The following ARHGAP21 variants were observed in gnomAD, a reference collection of about 807,000 sequenced individuals.
ARHGAP21 encodes Rho GTPase activating protein 21, also known as rho GTPase-activating protein 21.
In ARHGAP21, 38 loss-of-function variants were observed where a neutral mutation model predicts 164.6. The observed-to-expected ratio is 0.23, with a 90% CI of 0.18 to 0.30. The LOEUF is 0.30. Among genes scored for constraint, ARHGAP21 ranks in the 10% least tolerant of loss-of-function variants. The pLI is 1.00. For missense variants in ARHGAP21, 1,822 were observed against 2,370.7 expected (o/e 0.77, Z 4.81); for synonymous variants, 766 against 857.9 (o/e 0.89, Z 1.87).
chr10:24,644,677 C>T (rs1379468474), intron 4 of ARHGAP21, among the ~76,000 whole-genome samples: 1 of 152,146 alleles, frequency 6.6e-6, no homozygotes, highest in Non-Finnish European at 1.5e-5. Flanking sequence ...ATTATCACCT[C>T]CTAATAAGCA....
At chr10:24,639,408 T>C (rs1400664979) in intron 4 of ARHGAP21, among the ~76,000 whole-genome samples, 3 of 152,178 alleles carry the variant, frequency 2.0e-5, no homozygotes, top group Admixed American at 6.6e-5. Context: ...TTAAAAAAGA[T>C]AATCCAGTAA....
In ARHGAP21 at chr10:24,721,977, G is replaced by C; in HGVS notation, c.-78C>G. 1 of 1,457,710 alleles carries C rather than the reference G, an allele frequency of 6.9e-7. No homozygotes were observed. Among genetic ancestry groups the C allele is most frequent in the Non-Finnish European group, 9.5e-7 (1 of 1,047,506 alleles). The allele number at this position is 1,457,710 out of a possible 1,614,324, so 90.3% of individuals were successfully genotyped here. On this transcript the variant is annotated 5_prime_UTR_variant, in exon 2 of 26. Transcript: ENST00000396432. ...TGGCGGGGAATGCCACCACACACCC[G>C]AAGGGGAAGAATTCCACAAGCAGGC...
intron 2 of ARHGAP21, among the ~76,000 whole-genome samples, chr10:24,701,715 C>T (rs182095807): frequency 2.6e-5 from 4 of 152,306 alleles, no homozygotes; most frequent in Admixed American, 6.5e-5. Context: ...AAAATCTCTT[C>T]AGGCCCTTGG....
rs377215858 is a variant in ARHGAP21, at chr10:24,607,506, C to T, written c.2677G>A (p.Ala893Thr). ...AATACACCCGAGACTTACAATTTTG[C>T]ATCTTCTCTGTAATCATCCAGACCC... ...DEGLDDYRED[A>T]KLSFKHVSSL... Residue 893 changes from alanine to threonine, a missense_variant, in exon 11 of 26, where the codon GCA becomes ACA. Ala to Thr is a moderately conservative substitution (Grantham distance 58). This residue lies in a region of ARHGAP21 where 1,090 missense variants were observed against 1,378.9 expected (regional missense o/e 0.79). Coordinates refer to ENST00000396432, the MANE Select transcript of ARHGAP21 (RefSeq NM_020824.4). 1.2e-6 allele frequency: 2 copies of T among 1,612,586 alleles called. No homozygotes were observed. Among genetic ancestry groups the T allele is most frequent in the East Asian group, 2.2e-5 (1 of 44,878 alleles).
chr10:24,607,006 A>G (rs1413749123), intron 11 of ARHGAP21, among the ~76,000 whole-genome samples: 2 of 152,228 alleles, frequency 1.3e-5, no homozygotes, highest in Admixed American at 1.3e-4. Context: ...CTATTAATAT[A>G]GAGTATTGGT....
chr10:24,654,839 T>C (rs975447752), intron 4 of ARHGAP21, among the ~76,000 whole-genome samples: 1 of 152,194 alleles, frequency 6.6e-6, no homozygotes, highest in African/African-American at 2.4e-5. Flanking sequence ...AGAACAAGGC[T>C]GGAGGCATCA....
intron 4 of ARHGAP21, among the ~76,000 whole-genome samples, chr10:24,637,812 C>T (rs1320047689): frequency 6.6e-6 from 1 of 151,934 alleles, no homozygotes; most frequent in Non-Finnish European, 1.5e-5. Context: ...GAGTCCAATC[C>T]TATAGCAAGC....
At chr10:24,694,648 TC>T (rs1050457342) in intron 2 of ARHGAP21, among the ~76,000 whole-genome samples, 5 of 152,196 alleles carry the variant, frequency 3.3e-5, no homozygotes, top group Admixed American at 6.5e-5. Context: ...GTAGGTGGTG[TC>T]CTCTGAACTT....
intron 2 of ARHGAP21, among the ~76,000 whole-genome samples, chr10:24,716,695 G>A (rs542161632): frequency 6.6e-6 from 1 of 152,354 alleles, no homozygotes; most frequent in East Asian, 1.9e-4. Flanking sequence ...TTTATAAATT[G>A]TCTGTCCTGA....
At chr10:24,636,960 C>A (rs1836451620) in intron 4 of ARHGAP21, among the ~76,000 whole-genome samples, 1 of 152,168 alleles carries the variant, frequency 6.6e-6, no homozygotes, top group Non-Finnish European at 1.5e-5. Flanking sequence ...TCACTAATAT[C>A]CATAGCATAG....
At chr10:24,701,500 G>A (rs1843668215) in intron 2 of ARHGAP21, among the ~76,000 whole-genome samples, 1 of 152,056 alleles carries the variant, frequency 6.6e-6, no homozygotes, top group Admixed American at 6.5e-5. Flanking sequence ...ATTTCTCTGA[G>A]AAGGGAACAT....
chr10:24,585,557 C>T lies in ARHGAP21; in HGVS notation c.4732G>A (p.Ala1578Thr). Residue 1578 changes from alanine to threonine, a missense_variant, in exon 26 of 26, where the codon GCC becomes ACC. Physicochemically the swap from Ala to Thr is moderately conservative, Grantham distance 58. Transcript: ENST00000396432. ...SPETKHSEFLANVSTITSDYS... is the reference protein window; with the variant it reads ...SPETKHSEFLTNVSTITSDYS... ...TCTGAGGTGATGGTGCTGACGTTGG[C>T]CAAAAACTCGCTATGTTTCGTTTCT... 7 of 1,614,144 alleles carry T rather than the reference C, an allele frequency of 4.3e-6. No individual in the cohort carries two copies. The highest frequency in any genetic ancestry group is 5.9e-6 in the Non-Finnish European group (7 of 1,180,042).
At chr10:24,586,399 C>T (rs1419099725) in intron 25 of ARHGAP21, among the ~76,000 whole-genome samples, 1 of 152,144 alleles carries the variant, frequency 6.6e-6, no homozygotes, top group Admixed American at 6.5e-5. Flanking sequence ...CTATCAAAAT[C>T]CCCCAAACAC....
At chr10:24,599,598 G>A (rs1157387096) in intron 14 of ARHGAP21, among the ~76,000 whole-genome samples, 4 of 152,224 alleles carry the variant, frequency 2.6e-5, no homozygotes, top group East Asian at 1.9e-4. Flanking sequence ...AGAGAACTTC[G>A]TGCCCCTTTT....
chr10:24,686,120 T>C (rs976839839), intron 2 of ARHGAP21, among the ~76,000 whole-genome samples: 1 of 151,940 alleles, frequency 6.6e-6, no homozygotes, highest in Admixed American at 6.6e-5. Flanking sequence ...CATTCCAAGG[T>C]ATAAATAACT....
intron 3 of ARHGAP21, among the ~76,000 whole-genome samples, chr10:24,667,320 T>C (rs1840291691): frequency 6.6e-6 from 1 of 152,154 alleles, no homozygotes; most frequent in Non-Finnish European, 1.5e-5. Context: ...GTTTTTGGCA[T>C]TTGAGTGCGA....
At chr10:24,635,200 T>C in intron 4 of ARHGAP21, 97 bp from the exon 5 acceptor site, 1 of 711,186 alleles carries the variant, frequency 1.4e-6, no homozygotes, top group Admixed American at 3.2e-5. Context: ...GCAAAGCTTT[T>C]TAATGAAATA....
chr10:24,595,097 A>C lies in ARHGAP21; in HGVS notation c.3786+20T>G. On this transcript the variant is annotated intron_variant, in intron 20 of 25. Coordinates refer to ENST00000396432, the MANE Select transcript of ARHGAP21 (RefSeq NM_020824.4). ...GGCTGAATTTTAGTTGTATCCCCCA[A>C]AATATAAAATAATACCTACTAGTCT... is the stretch of plus-strand genomic sequence containing the variant. 3 of 1,607,872 alleles carry C rather than the reference A, an allele frequency of 1.9e-6. No individual in the cohort carries two copies. Among genetic ancestry groups the C allele is most frequent in the Non-Finnish European group, 2.6e-6 (3 of 1,175,702 alleles).
intron 7 of ARHGAP21, among the ~76,000 whole-genome samples, chr10:24,626,683 G>T (rs1198476213): frequency 3.3e-5 from 5 of 152,076 alleles, no homozygotes; most frequent in Non-Finnish European, 7.4e-5. Context: ...AGACTGGTGT[G>T]GCTATTTCAC....
Sources: allele counts gnomAD v4.1 joint callset (sites outside exome capture counted in the v4.1 genomes callset), GRCh38; gene constraint gnomAD v4.1.1; regional missense constraint gnomAD v4.1.1; transcripts MANE v1.5; gene names NCBI Gene and HGNC (gene_info 2026-07-23, HGNC 2026-07-21).